Variants in PTPRD observed in about 807,000 individuals in gnomAD.
The protein encoded by PTPRD is protein tyrosine phosphatase receptor type D, also known as receptor-type tyrosine-protein phosphatase delta.
In PTPRD, 34 loss-of-function variants were observed where a neutral mutation model predicts 214.5. That is an observed-to-expected ratio of 0.16 (90% CI 0.12 to 0.21). The LOEUF (loss-of-function observed/expected upper bound fraction) is 0.21. Among genes scored for constraint, PTPRD ranks in the 10% least tolerant of loss-of-function variants. The pLI is 1.00. For synonymous variants in PTPRD, 1,128 were observed against 845.7 expected (o/e 1.33, Z -5.79); for missense variants, 2,545 against 2,398.7 (o/e 1.06, Z -1.27).
chr9:9,336,878 C>A (rs2044715117), intron 9 of PTPRD, among the ~76,000 whole-genome samples: 1 of 151,864 alleles, frequency 6.6e-6, no homozygotes, highest in Admixed American at 6.6e-5. Flanking sequence ...GTGATGGCTC[C>A]CTGTTGTGAA....
chr9:9,635,199 C>G (rs2095720364), intron 7 of PTPRD, among the ~76,000 whole-genome samples: 1 of 152,090 alleles, frequency 6.6e-6, no homozygotes, highest in Non-Finnish European at 1.5e-5. Flanking sequence ...ATAAGATCAT[C>G]AACAGAAAAT....
chr9:8,793,033 C>A (rs1394809060), intron 11 of PTPRD, among the ~76,000 whole-genome samples: 1 of 152,166 alleles, frequency 6.6e-6, no homozygotes, highest in Admixed American at 6.5e-5. Context: ...AAGCTGGCGA[C>A]CTATGTAAGG....
intron 12 of PTPRD, among the ~76,000 whole-genome samples, chr9:8,652,079 C>A (rs978361291): frequency 6.6e-6 from 1 of 152,126 alleles, no homozygotes; most frequent in Non-Finnish European, 1.5e-5. Flanking sequence ...CCTTTATTTG[C>A]CAGCTAACTT....
intron 7 of PTPRD, among the ~76,000 whole-genome samples, 156 bp downstream of exon 7, chr9:9,734,377 G>A (rs185321861): frequency 2.0e-5 from 3 of 152,036 alleles, no homozygotes; most frequent in African/African-American, 4.8e-5. Flanking sequence ...AGATGTAACT[G>A]GACTTATGAG....
At position 8,359,107 on chromosome 9, in the gene PTPRD, C is replaced by CAAAAA. The variant is rs749802631; in HGVS notation, c.4661+16824_4661+16828dup. Among the ~76,000 whole-genome samples, 21 of 9,842 alleles carry CAAAAA rather than the reference C, an allele frequency of 2.1e-3. 4 individuals carry two copies. The highest frequency in any genetic ancestry group is 9.7e-3 in the African/African-American group (19 of 1,950). The allele number at this position is 9,842 out of a possible 152,430, so 6.5% of individuals were successfully genotyped here. ...TGGGCCACAGAGCGAGACTCCGTCT[C>CAAAAA]AAAAAAAAAAAAAAACAAAAAAAAA... On this transcript the variant is annotated intron_variant, in intron 39 of 45. Coordinates refer to ENST00000381196, the MANE Select transcript of PTPRD (RefSeq NM_002839.4).
At chr9:9,390,544 A>G (rs1325924361) in intron 9 of PTPRD, among the ~76,000 whole-genome samples, 2 of 152,168 alleles carry the variant, frequency 1.3e-5, no homozygotes, top group African/African-American at 4.8e-5. Context: ...AGAAAAGAAG[A>G]AAATAATTTT....
At chr9:9,719,665 C>T (rs113666044) in intron 7 of PTPRD, among the ~76,000 whole-genome samples, 2 of 152,336 alleles carry the variant, frequency 1.3e-5, no homozygotes, top group South Asian at 2.1e-4. Flanking sequence ...GCTCGCTATG[C>T]TGCGGCGGTG....
intron 2 of PTPRD, among the ~76,000 whole-genome samples, chr9:10,496,279 G>C (rs569364639): frequency 7.9e-5 from 12 of 151,910 alleles, no homozygotes; most frequent in Middle Eastern, 3.4e-3. Context: ...ACACATTTAA[G>C]TACAGAAAGA....
intron 33 of PTPRD, among the ~76,000 whole-genome samples, chr9:8,459,976 C>G (rs769979775): frequency 1.3e-5 from 2 of 152,066 alleles, no homozygotes; most frequent in African/African-American, 2.4e-5. Flanking sequence ...TATCTCAACA[C>G]TTGCGCAAAT....
chr9:8,975,391 C>T (rs956965065), intron 11 of PTPRD, among the ~76,000 whole-genome samples: 2 of 151,982 alleles, frequency 1.3e-5, no homozygotes, highest in African/African-American at 4.8e-5. Flanking sequence ...TTGTGTGAAG[C>T]TGGTAATATA....
intron 43 of PTPRD, among the ~76,000 whole-genome samples, chr9:8,332,682 G>GTGTT (rs1842652474): frequency 6.6e-6 from 1 of 152,104 alleles, no homozygotes; most frequent in Non-Finnish European, 1.5e-5. Flanking sequence ...GAAATTTAAG[G>GTGTT]TGTTTCTAGA....
chr9:9,154,708 C>G (rs1370908605), intron 10 of PTPRD, among the ~76,000 whole-genome samples: 1 of 152,144 alleles, frequency 6.6e-6, no homozygotes, highest in East Asian at 1.9e-4. Flanking sequence ...CTCTTTGCAT[C>G]TGCTCTCTCC....
chr9:8,673,971 C>A (rs1239858306), intron 12 of PTPRD, among the ~76,000 whole-genome samples: 3 of 152,106 alleles, frequency 2.0e-5, no homozygotes, highest in Admixed American at 6.5e-5. Context: ...CAAACGTTAC[C>A]AAATATTCCC....
chr9:9,636,873 T>C (rs886490977), intron 7 of PTPRD, among the ~76,000 whole-genome samples: 1 of 152,194 alleles, frequency 6.6e-6, no homozygotes. Flanking sequence ...CTAAGATCAA[T>C]GTGCCAACAA....
At chr9:9,591,667 T>C (rs969804185) in intron 7 of PTPRD, among the ~76,000 whole-genome samples, 19 of 152,114 alleles carry the variant, frequency 1.2e-4, no homozygotes, top group Admixed American at 1.2e-3. Flanking sequence ...CACTTCTTAA[T>C]ATGTGTTCTT....
chr9:10,314,835 T>G (rs2096378661), intron 3 of PTPRD, among the ~76,000 whole-genome samples: 1 of 151,892 alleles, frequency 6.6e-6, no homozygotes, highest in African/African-American at 2.4e-5. Context: ...AAATTCCAAG[T>G]TTTCTCTTTT....
In PTPRD at chr9:10,136,320, G is replaced by C. The variant is rs147272896; in HGVS notation, c.-544-102530C>G. On this transcript the variant is annotated intron_variant, in intron 3 of 45. Coordinates refer to ENST00000381196, the MANE Select transcript of PTPRD (RefSeq NM_002839.4). ...AACGTTCCACTAACAGTGCTAGATA[G>C]ATCATCAAGGCAGAAAACTAACAGA... Among the ~76,000 whole-genome samples the C allele has an allele frequency of 4.2e-3, 644 of 152,122 alleles. 3 individuals are homozygous for C. The highest frequency in any genetic ancestry group is 0.015 in the African/African-American group (613 of 41,496).
intron 6 of PTPRD, among the ~76,000 whole-genome samples, chr9:9,742,455 A>G (rs999570539): frequency 6.6e-6 from 1 of 152,236 alleles, no homozygotes; most frequent in Non-Finnish European, 1.5e-5. Flanking sequence ...TTATAGAAAT[A>G]TAATTGTAAT....
intron 3 of PTPRD, among the ~76,000 whole-genome samples, chr9:10,065,327 G>C (rs933164916): frequency 6.6e-6 from 1 of 151,910 alleles, no homozygotes; most frequent in Non-Finnish European, 1.5e-5. Flanking sequence ...GTTGCTTTCT[G>C]TTATTAGCCA....
Sources: allele counts gnomAD v4.1 joint callset (sites outside exome capture counted in the v4.1 genomes callset), GRCh38; gene constraint gnomAD v4.1.1; transcripts MANE v1.5; gene names NCBI Gene and HGNC (gene_info 2026-07-23, HGNC 2026-07-21).